The following EPHA6 variants were observed in gnomAD, a reference collection of about 807,000 sequenced individuals.
The protein encoded by EPHA6 is EPH receptor A6.
In EPHA6, 50 loss-of-function variants were observed where a neutral mutation model predicts 112.0. The observed-to-expected ratio is 0.45, with a 90% CI of 0.36 to 0.56. The LOEUF (loss-of-function observed/expected upper bound fraction) is 0.56. Among genes scored for constraint, EPHA6 ranks in the 20% least tolerant of loss-of-function variants. The pLI, the probability that EPHA6 is intolerant of heterozygous loss-of-function variation, is 0.00. For missense variants in EPHA6, 1,280 were observed against 1,417.4 expected, an observed-to-expected ratio of 0.90 and a Z score of 1.56; for synonymous variants, 529 against 490.7, an observed-to-expected ratio of 1.08 and a Z score of -1.03.
chr3:97,089,168 C>A (rs1425232439), intron 3 of EPHA6, among the ~76,000 whole-genome samples: 1 of 152,028 alleles, frequency 6.6e-6, no homozygotes, highest in Non-Finnish European at 1.5e-5. Flanking sequence ...GTATTTCATA[C>A]TTTAACAATT....
intron 11 of EPHA6, among the ~76,000 whole-genome samples, chr3:97,534,132 ATC>A (rs1226821231): frequency 1.3e-5 from 2 of 152,172 alleles, no homozygotes; most frequent in African/African-American, 4.8e-5. Context: ...TAACATCTGT[ATC>A]CTTTACTTCC....
chr3:97,584,479 T>C lies in EPHA6; in HGVS notation c.2387-8133T>C, dbSNP rs148397207. 9.5e-4 allele frequency among the ~76,000 whole-genome samples: 144 copies of C among 152,354 alleles called. 1 individual carries two copies. In the East Asian group the frequency reaches 0.024, roughly 25 times the overall value. On this transcript the variant is annotated intron_variant, in intron 11 of 17. Coordinates refer to ENST00000389672, the MANE Select transcript of EPHA6 (RefSeq NM_001080448.3). Reference sequence around the variant, plus strand: ...ACCTTTCAGTACAACAGAATCGCTTTGTCATCAACTGGATATAATCACTTA... The same window carrying C: ...ACCTTTCAGTACAACAGAATCGCTTCGTCATCAACTGGATATAATCACTTA...
At chr3:97,487,753 A>G (rs1577550524) in intron 10 of EPHA6, among the ~76,000 whole-genome samples, 3 of 152,062 alleles carry the variant, frequency 2.0e-5, no homozygotes, top group South Asian at 4.2e-4. Context: ...CTGAATTTCC[A>G]TGAAAATGCA....
chr3:96,965,102 A>T (rs1203353698), intron 2 of EPHA6, among the ~76,000 whole-genome samples: 1 of 152,158 alleles, frequency 6.6e-6, no homozygotes, highest in Non-Finnish European at 1.5e-5. Flanking sequence ...ATTTGAACAC[A>T]GTTTGAACAC....
At chr3:97,146,219 G>T (rs924695612) in intron 3 of EPHA6, among the ~76,000 whole-genome samples, 2 of 151,776 alleles carry the variant, frequency 1.3e-5, no homozygotes, top group Admixed American at 1.3e-4. Context: ...TAGTTTCCAT[G>T]ACAAAGTTTT....
chr3:97,747,702 A>C (rs531896641), intron 17 of EPHA6, 130 bp downstream of exon 17: 2 of 730,400 alleles, frequency 2.7e-6, no homozygotes, highest in Admixed American at 4.2e-5. Context: ...ATTTCTGACT[A>C]TCATTCTAGT....
Position 96,931,018 on chromosome 3 carries a change from A to AAAAAAAAAAAAAAAAAAG in EPHA6, c.451-56309_451-56308insAAAAAAAAAAAAAAGAAA, listed in dbSNP as rs796531853. 1.1e-4 allele frequency among the ~76,000 whole-genome samples: 9 copies of AAAAAAAAAAAAAAAAAAG among 84,580 alleles called. 3 individuals are homozygous for AAAAAAAAAAAAAAAAAAG. Among genetic ancestry groups the AAAAAAAAAAAAAAAAAAG allele is most frequent in the African/African-American group, 3.8e-4 (9 of 23,676 alleles). The allele number at this position is 84,580 out of a possible 152,430, so 55.5% of individuals were successfully genotyped here. Reference sequence around the variant, plus strand: ...AAAAAAAAAAAAAAAAAAAAAAAAAAAAAGAAAAGCTTTCTGGCTGCTTTT... The same window carrying AAAAAAAAAAAAAAAAAAG: ...AAAAAAAAAAAAAAAAAAAAAAAAAAAAAAAAAAAAAAAAAAAGAAAGAAAAGCTTTCTGGCTGCTTTT... On this transcript the variant is annotated intron_variant, in intron 2 of 17. Coordinates refer to ENST00000389672, the MANE Select transcript of EPHA6 (RefSeq NM_001080448.3).
chr3:97,502,167 C>CTTTTTT (rs773321621), intron 10 of EPHA6, among the ~76,000 whole-genome samples: 4 of 124,324 alleles, frequency 3.2e-5, no homozygotes, highest in East Asian at 2.3e-4. Flanking sequence ...TAACTACCTG[C>CTTTTTT]TTTTTTTTTT....
chr3:97,751,332 T>G lies in EPHA6; in HGVS notation c.*2631T>G, dbSNP rs2035895789. 6.6e-6 allele frequency among the ~76,000 whole-genome samples: 1 copy of G among 152,138 alleles called. No homozygotes were observed. The highest frequency in any genetic ancestry group is 2.1e-4 in the South Asian group (1 of 4,830). ...ACTTATTTTTTCTTTCTCTAACATC[T>G]TTTGATAGTATCATAAAACTACTTT... On this transcript the variant is annotated 3_prime_UTR_variant, in exon 18 of 18. Transcript: ENST00000389672.
At chr3:96,998,796 G>C (rs2043519826) in intron 3 of EPHA6, among the ~76,000 whole-genome samples, 2 of 151,654 alleles carry the variant, frequency 1.3e-5, no homozygotes, top group Admixed American at 6.6e-5. Context: ...CTTTTATTCT[G>C]TATTTCTAGA....
intron 14 of EPHA6, among the ~76,000 whole-genome samples, chr3:97,666,382 A>T (rs2030110109): frequency 6.6e-6 from 1 of 152,212 alleles, no homozygotes; most frequent in African/African-American, 2.4e-5. Flanking sequence ...TTATTGTCTC[A>T]AAGTTTTAGG....
At chr3:96,967,904 T>C (rs541991364) in intron 2 of EPHA6, among the ~76,000 whole-genome samples, 1 of 151,808 alleles carries the variant, frequency 6.6e-6, no homozygotes, top group South Asian at 2.1e-4. Context: ...GATCTGGGAG[T>C]CTTTATCTTT....
intron 2 of EPHA6, among the ~76,000 whole-genome samples, chr3:96,867,680 A>G (rs185635923): frequency 7.2e-5 from 11 of 151,776 alleles, no homozygotes; most frequent in Admixed American, 2.0e-4. Flanking sequence ...AGAAATGGTA[A>G]TTTTCTTATT....
intron 2 of EPHA6, among the ~76,000 whole-genome samples, chr3:96,963,467 G>T (rs1307465565): frequency 6.6e-6 from 1 of 152,030 alleles, no homozygotes; most frequent in Non-Finnish European, 1.5e-5. Flanking sequence ...TTGTTACTGG[G>T]TCAACTGTCA....
At chr3:97,157,593 A>G (rs1336670407) in intron 3 of EPHA6, among the ~76,000 whole-genome samples, 2 of 151,904 alleles carry the variant, frequency 1.3e-5, no homozygotes, top group African/African-American at 4.8e-5. Flanking sequence ...AGGCTGAGAA[A>G]TGTAAAATCT....
At chr3:97,355,862 A>G (rs1239763611) in intron 5 of EPHA6, among the ~76,000 whole-genome samples, 1 of 152,178 alleles carries the variant, frequency 6.6e-6, no homozygotes, top group East Asian at 1.9e-4. Context: ...TGGAAACACA[A>G]AAAAAGGGCA....
chr3:97,573,872 A>C (rs1177422112), intron 11 of EPHA6, among the ~76,000 whole-genome samples: 2 of 151,626 alleles, frequency 1.3e-5, no homozygotes, highest in Non-Finnish European at 2.9e-5. Context: ...GTATTGATTT[A>C]ATATTAATCA....
chr3:97,533,402 C>T (rs192423959), intron 11 of EPHA6, among the ~76,000 whole-genome samples: 82 of 152,164 alleles, frequency 5.4e-4, no homozygotes, highest in African/African-American at 1.8e-3. Flanking sequence ...GTGCAATTGA[C>T]TCTGTGTCTG....
At chr3:97,059,215 T>C (rs1223669254) in intron 3 of EPHA6, among the ~76,000 whole-genome samples, 2 of 152,174 alleles carry the variant, frequency 1.3e-5, no homozygotes, top group Admixed American at 1.3e-4. Flanking sequence ...GTCATTGAAC[T>C]AGGTCTCTGA....
Sources: gnomAD v4.1 joint callset for allele counts (sites outside exome capture counted in the v4.1 genomes callset) on GRCh38, gnomAD v4.1.1 for gene constraint, MANE v1.5 for transcripts, NCBI Gene and HGNC (gene_info 2026-07-23, HGNC 2026-07-21) for gene names.